Variants in RNLS observed in about 807,000 individuals in gnomAD.
RNLS encodes renalase, FAD dependent amine oxidase.
A neutral mutation model predicts 39.8 loss-of-function variants in RNLS; 39 were observed. The observed-to-expected ratio is 0.98, with a 90% CI of 0.76 to 1.28. The LOEUF is 1.28. Among genes scored for constraint, RNLS ranks in the 50% most tolerant of loss-of-function variants. The probability of loss-of-function intolerance (pLI) is 0.00; values close to 1 mark genes in which losing one functional copy is unlikely to be tolerated. For missense variants in RNLS, 410 were observed against 413.3 expected (o/e 0.99, Z 0.07); for synonymous variants, 147 against 150.7 (o/e 0.98, Z 0.18).
intron 4 of RNLS, among the ~76,000 whole-genome samples, chr10:88,555,767 TCAAA>T (rs1848840265): frequency 6.6e-6 from 1 of 152,144 alleles, no homozygotes. Context: ...TCCTCCTTCT[TCAAA>T]CACTTTCTTG....
the RNLS span, among the ~76,000 whole-genome samples, chr10:88,194,315 T>C: frequency 5.9e-5 from 9 of 152,216 alleles, no homozygotes; most frequent in Non-Finnish European, 8.8e-5. Flanking sequence ...GAGATTGTGA[T>C]AGCCAAAAAT....
rs1589712144 is a variant in RNLS, at chr10:88,390,010, A to C, written c.527-27285T>G. On this transcript the variant is annotated intron_variant, in intron 4 of 6. Coordinates refer to ENST00000331772, the MANE Select transcript of RNLS (RefSeq NM_001031709.3). ...TTACAGCATTTGCAACAATATTCAT[A>C]AATAGCTAGGAACACAAGGGGGAAA... Among the ~76,000 whole-genome samples, 3 of 152,232 alleles carry C rather than the reference A, an allele frequency of 2.0e-5. No homozygotes were observed. The East Asian group carries it at 5.8e-4, about 29-fold the overall frequency.
At chr10:88,507,291 T>G (rs1845845847) in intron 4 of RNLS, among the ~76,000 whole-genome samples, 1 of 151,926 alleles carries the variant, frequency 6.6e-6, no homozygotes, top group Non-Finnish European at 1.5e-5. Context: ...ACAATGAATA[T>G]AATAATTTTC....
At chr10:88,275,040 T>G (rs1251520366) in intron 6 of RNLS, 1 of 1,610,836 alleles carries the variant, frequency 6.2e-7, no homozygotes, top group South Asian at 1.1e-5. Context: ...TACCTGAAAA[T>G]CAAAGGAATA....
At chr10:88,491,000 C>T (rs890824223) in intron 4 of RNLS, among the ~76,000 whole-genome samples, 12 of 152,054 alleles carry the variant, frequency 7.9e-5, no homozygotes, top group African/African-American at 2.2e-4. Context: ...ATAAGAGCCA[C>T]GCCATGTTAA....
At chr10:88,570,971 T>TG (rs67169934) in intron 4 of RNLS, among the ~76,000 whole-genome samples, 63,242 of 146,950 alleles carry the variant, frequency 0.43, 14,183 homozygotes, top group African/African-American at 0.59. Flanking sequence ...TTCTTTTTTT[T>TG]TTTTTTTTTT....
At chr10:88,581,315 T>TATATATATATATATATATAC (rs1318796903) in intron 3 of RNLS, among the ~76,000 whole-genome samples, 1 of 147,600 alleles carries the variant, frequency 6.8e-6, no homozygotes, top group African/African-American at 2.5e-5. Flanking sequence ...TATATATATA[T>TATATATATATATATATATAC]ACATCTATAA....
At chr10:88,314,410 T>G in intron 6 of RNLS, 56 bp downstream of exon 6, 1 of 1,558,880 alleles carries the variant, frequency 6.4e-7, no homozygotes, top group Non-Finnish European at 8.8e-7. Context: ...GTAACATCAG[T>G]TCTGTGAGCC....
intron 4 of RNLS, among the ~76,000 whole-genome samples, chr10:88,534,959 TCA>T (rs1460542005): frequency 6.6e-6 from 1 of 151,876 alleles, no homozygotes; most frequent in Non-Finnish European, 1.5e-5. Context: ...ACAGAAAAAA[TCA>T]AAGCAAAAAT....
intron 4 of RNLS, among the ~76,000 whole-genome samples, chr10:88,364,454 A>C (rs1178830296): frequency 6.6e-6 from 1 of 152,170 alleles, no homozygotes; most frequent in Non-Finnish European, 1.5e-5. Context: ...TTACATCCCC[A>C]GGAAGGTGAG....
At chr10:88,399,281 C>T (rs144366058) in intron 4 of RNLS, among the ~76,000 whole-genome samples, 12 of 151,888 alleles carry the variant, frequency 7.9e-5, no homozygotes, top group Admixed American at 2.6e-4. Context: ...AGGTGTATAC[C>T]GAAGACAACT....
At chr10:88,531,966 A>G (rs995826311) in intron 4 of RNLS, among the ~76,000 whole-genome samples, 4 of 152,080 alleles carry the variant, frequency 2.6e-5, no homozygotes, top group African/African-American at 7.2e-5. Context: ...ATGAGGCAGA[A>G]CTACCTAATC....
At chr10:88,389,390 T>C (rs1286847929) in intron 4 of RNLS, among the ~76,000 whole-genome samples, 2 of 152,198 alleles carry the variant, frequency 1.3e-5, no homozygotes, top group African/African-American at 4.8e-5. Context: ...TAAAGCCTGC[T>C]ATCTATTTTT....
At chr10:88,464,958 A>C (rs1386756744) in intron 4 of RNLS, among the ~76,000 whole-genome samples, 1 of 152,106 alleles carries the variant, frequency 6.6e-6, no homozygotes, top group Non-Finnish European at 1.5e-5. Flanking sequence ...AAGGTGGTTC[A>C]AACTGGAATG....
At chr10:88,361,052 C>T (rs1467743647) in intron 5 of RNLS, among the ~76,000 whole-genome samples, 1 of 152,196 alleles carries the variant, frequency 6.6e-6, no homozygotes, top group Non-Finnish European at 1.5e-5. Context: ...GTAGATTTGG[C>T]TTAGCTGGGG....
At chr10:88,243,750 A>G in the RNLS span, among the ~76,000 whole-genome samples, 1 of 152,310 alleles carries the variant, frequency 6.6e-6, no homozygotes, top group South Asian at 2.1e-4. Flanking sequence ...TCTTTAACGG[A>G]CACTTCACTT....
intron 4 of RNLS, among the ~76,000 whole-genome samples, chr10:88,518,629 TG>T (rs1846535192): frequency 6.6e-6 from 1 of 151,922 alleles, no homozygotes; most frequent in Non-Finnish European, 1.5e-5. Context: ...TACAAACAGA[TG>T]GAAAGCTAAA....
intron 4 of RNLS, among the ~76,000 whole-genome samples, chr10:88,446,917 G>A (rs1264260550): frequency 1.3e-5 from 2 of 152,188 alleles, no homozygotes; most frequent in African/African-American, 4.8e-5. Context: ...AAAACCACAT[G>A]ATTATCTCAA....
intron 6 of RNLS, among the ~76,000 whole-genome samples, chr10:88,306,781 AT>A (rs1844953606): frequency 6.6e-6 from 1 of 152,158 alleles, no homozygotes; most frequent in Non-Finnish European, 1.5e-5. Flanking sequence ...TGCTGAAACT[AT>A]TCCAAAAATT....
Sources: allele counts gnomAD v4.1 joint callset (sites outside exome capture counted in the v4.1 genomes callset), GRCh38; gene constraint gnomAD v4.1.1; transcripts MANE v1.5; gene names NCBI Gene and HGNC (gene_info 2026-07-23, HGNC 2026-07-21).